KCNT2: variants seen among roughly 807,000 people sequenced by gnomAD.
The protein encoded by KCNT2 is potassium sodium-activated channel subfamily T member 2, also known as potassium channel subfamily T member 2.
In KCNT2, 67 loss-of-function variants were observed where a neutral mutation model predicts 153.8. That is an observed-to-expected ratio of 0.44 (90% CI 0.36 to 0.53). The LOEUF (loss-of-function observed/expected upper bound fraction) is 0.53. Among genes scored for constraint, KCNT2 ranks in the 20% least tolerant of loss-of-function variants. The pLI is 0.00. For synonymous variants in KCNT2, 500 were observed against 458.8 expected, an observed-to-expected ratio of 1.09 and a Z score of -1.15; for missense variants, 975 against 1,354.8, an observed-to-expected ratio of 0.72 and a Z score of 4.40.
chr1:196,335,572 C>T (rs1664945691), intron 16 of KCNT2, among the ~76,000 whole-genome samples: 1 of 152,126 alleles, frequency 6.6e-6, no homozygotes, highest in South Asian at 2.1e-4. Flanking sequence ...ATTGTATATG[C>T]TATCCATCAT....
intron 25 of KCNT2, among the ~76,000 whole-genome samples, chr1:196,262,105 T>G (rs1657082309): frequency 6.6e-6 from 1 of 151,876 alleles, no homozygotes. Context: ...AAGAAAATAT[T>G]TCTTATGCCT....
At chr1:196,371,220 CAAAAAAA>C (rs952744388) in intron 14 of KCNT2, among the ~76,000 whole-genome samples, 4 of 21,934 alleles carry the variant, frequency 1.8e-4, no homozygotes, top group East Asian at 1.6e-3. Flanking sequence ...CCCGTCACTA[CAAAAAAA>C]AAAAAAAAAA....
At position 196,275,365 on chromosome 1, in the gene KCNT2, G is replaced by A. The variant is rs1420793899; in HGVS notation, c.2910+5495C>T. ...TTCCATCTCTACTCTGCTTTCCATA[G>A]ACTGATTTTCCAGCCACTGTGTGCA... On this transcript the variant is annotated intron_variant, in intron 25 of 27. Transcript: ENST00000294725. 2.0e-5 allele frequency among the ~76,000 whole-genome samples: 3 copies of A among 149,052 alleles called. No homozygotes were observed. In the Admixed American group the frequency reaches 2.0e-4, roughly 10 times the overall value.
intron 8 of KCNT2, among the ~76,000 whole-genome samples, chr1:196,443,844 G>C (rs1486111067): frequency 6.6e-6 from 1 of 151,524 alleles, no homozygotes. Flanking sequence ...GTTGGTACCG[G>C]TTCCTGATTA....
intron 1 of KCNT2, among the ~76,000 whole-genome samples, chr1:196,530,292 T>C (rs1654773624): frequency 6.6e-6 from 1 of 152,004 alleles, no homozygotes; most frequent in Non-Finnish European, 1.5e-5. Context: ...AATATAAATA[T>C]TTTTTGAAGT....
intron 1 of KCNT2, among the ~76,000 whole-genome samples, chr1:196,522,206 C>G (rs1296068395): frequency 6.6e-6 from 1 of 151,984 alleles, no homozygotes; most frequent in African/African-American, 2.4e-5. Flanking sequence ...CTTTTTGTAT[C>G]CTAGATTGCT....
chr1:196,337,087 C>T (rs1665111803), intron 16 of KCNT2, among the ~76,000 whole-genome samples: 1 of 152,012 alleles, frequency 6.6e-6, no homozygotes, highest in Non-Finnish European at 1.5e-5. Context: ...CTCCTGAAAT[C>T]TAGACTCTTA....
intron 1 of KCNT2, among the ~76,000 whole-genome samples, chr1:196,507,241 TTTGAAAATGTTACAC>T: frequency 6.6e-6 from 1 of 152,282 alleles, no homozygotes; most frequent in East Asian, 1.9e-4. Context: ...ATAGTTAAAA[TTTGAAAATGTTACAC>T]TTGAGAAAAA....
intron 1 of KCNT2, among the ~76,000 whole-genome samples, chr1:196,574,715 A>C (rs2148959038): frequency 6.6e-6 from 1 of 152,182 alleles, no homozygotes; most frequent in African/African-American, 2.4e-5. Flanking sequence ...AATTGTTGAG[A>C]ATCTAAAACT....
chr1:196,373,160 C>T lies in KCNT2; in HGVS notation c.1383G>A (p.Leu461=). 1 of 1,543,284 alleles carries T rather than the reference C, an allele frequency of 6.5e-7. No homozygotes were observed. The highest frequency in any genetic ancestry group is 8.9e-7 in the Non-Finnish European group (1 of 1,117,544). Residue 461 remains leucine, a synonymous_variant, in exon 14 of 28, where the codon CTG becomes CTA. Coordinates refer to ENST00000294725, the MANE Select transcript of KCNT2 (RefSeq NM_198503.5). Reference sequence around the variant, plus strand: ...CTTACTGCCCTCTAGAGGTATGAACCAGTAGTGTAATAAGTGTAGATGTTG... The same window carrying T: ...CTTACTGCCCTCTAGAGGTATGAACTAGTAGTGTAATAAGTGTAGATGTTG... ...CPATSTLITL[L]VHTSRGQEGQ... is the part of the protein sequence containing the mutation.
intron 1 of KCNT2, among the ~76,000 whole-genome samples, chr1:196,548,899 G>A (rs1295700917): frequency 6.6e-5 from 10 of 151,244 alleles, no homozygotes; most frequent in Non-Finnish European, 1.0e-4. Context: ...GTAAACTATC[G>A]CAAGAACAAA....
chr1:196,578,048 A>G (rs1221584083), intron 1 of KCNT2, among the ~76,000 whole-genome samples: 1 of 152,106 alleles, frequency 6.6e-6, no homozygotes, highest in Non-Finnish European at 1.5e-5. Context: ...TTAGCACATT[A>G]TGGGATTTTA....
chr1:196,304,026 G>A (rs1055980560), intron 22 of KCNT2, among the ~76,000 whole-genome samples: 1 of 152,122 alleles, frequency 6.6e-6, no homozygotes, highest in Non-Finnish European at 1.5e-5. Flanking sequence ...TTGCTGAATT[G>A]AACTGGTAGC....
intron 25 of KCNT2, 138 bp downstream of exon 25, chr1:196,280,722 T>G: frequency 1.2e-6 from 1 of 813,522 alleles, no homozygotes; most frequent in Non-Finnish European, 1.9e-6. Flanking sequence ...AATTTGGTTC[T>G]GAGATTTAAC....
intron 22 of KCNT2, among the ~76,000 whole-genome samples, chr1:196,286,642 C>CACAA (rs1161060448): frequency 7.3e-6 from 1 of 137,420 alleles, no homozygotes; most frequent in Non-Finnish European, 1.5e-5. Context: ...CACACATACA[C>CACAA]ACACACACAC....
At chr1:196,553,245 G>C (rs1311314338) in intron 1 of KCNT2, among the ~76,000 whole-genome samples, 1 of 150,872 alleles carries the variant, frequency 6.6e-6, no homozygotes, top group African/African-American at 2.4e-5. Flanking sequence ...AAAAGCAAAA[G>C]TAGCTATACT....
At chr1:196,498,328 C>A in intron 1 of KCNT2, among the ~76,000 whole-genome samples, 1 of 152,140 alleles carries the variant, frequency 6.6e-6, no homozygotes, top group East Asian at 1.9e-4. Context: ...GGATATCAAA[C>A]TTTTGTGGAT....
chr1:196,294,824 AT>A (rs1357633451), intron 22 of KCNT2, among the ~76,000 whole-genome samples: 1 of 151,524 alleles, frequency 6.6e-6, no homozygotes, highest in Non-Finnish European at 1.5e-5. Context: ...ATGGAATACT[AT>A]TTTGCCTAAA....
intron 13 of KCNT2, among the ~76,000 whole-genome samples, chr1:196,376,721 A>C (rs1207647634): frequency 6.6e-6 from 1 of 151,962 alleles, no homozygotes; most frequent in Non-Finnish European, 1.5e-5. Flanking sequence ...AAATTTTATT[A>C]AACCAATTAA....
Sources: gnomAD v4.1 joint callset for allele counts (sites outside exome capture counted in the v4.1 genomes callset) on GRCh38, gnomAD v4.1.1 for gene constraint, MANE v1.5 for transcripts, NCBI Gene and HGNC (gene_info 2026-07-23, HGNC 2026-07-21) for gene names.